LARP1: variants seen among roughly 807,000 people sequenced by gnomAD.
LARP1 encodes the protein La ribonucleoprotein 1, translational regulator, also known as la-related protein 1.
Under a neutral mutation model 122.7 loss-of-function variants are expected in LARP1, and 36 were observed. The observed-to-expected ratio is 0.29, with a 90% CI of 0.22 to 0.39. The LOEUF is 0.39. LARP1 is among the 10% of genes least tolerant of loss of function. The probability of loss-of-function intolerance (pLI) is 1.00; values close to 1 mark genes in which losing one functional copy is unlikely to be tolerated. For missense variants in LARP1, 1,040 were observed against 1,403.6 expected (o/e 0.74, Z 4.14); for synonymous variants, 539 against 528.7 (o/e 1.02, Z -0.27).
intron 14 of LARP1, chr5:154,805,028 C>A: frequency 2.5e-6 from 1 of 402,040 alleles, no homozygotes; most frequent in Non-Finnish European, 5.0e-6. Flanking sequence ...AACATATAGT[C>A]AATTAGCACA....
rs371494070 is a variant in LARP1 at position 154,696,085 on chromosome 5, G to A, written c.-180+13048G>A. On this transcript the variant is annotated intron_variant, in intron 1 of 18. Transcript: ENST00000687700. ...ACAAATACTCATTGAGGCTGGGCACGGTGGCTCACTCCTATAATCCTAGCA... is the reference window on the plus strand; with the variant it reads ...ACAAATACTCATTGAGGCTGGGCACAGTGGCTCACTCCTATAATCCTAGCA... Among the ~76,000 whole-genome samples, 73 of 152,114 alleles carry A rather than the reference G, an allele frequency of 4.8e-4. 4 individuals carry two copies. The South Asian group carries it at 0.012, about 26-fold the overall frequency.
At chr5:154,764,075 G>A (rs1222244886) in intron 1 of LARP1, among the ~76,000 whole-genome samples, 1 of 151,614 alleles carries the variant, frequency 6.6e-6, no homozygotes, top group African/African-American at 2.4e-5. Flanking sequence ...TTGGGAGGCC[G>A]AGGCAGGTGG....
Position 154,720,744 on chromosome 5 carries a change from C to T in LARP1, c.205+7614C>T, listed in dbSNP as rs371666509. On this transcript the variant is annotated intron_variant, in intron 1 of 18. Transcript: ENST00000336314. ...AAGAAAAGAGAAGAAAAAATTCTTT[C>T]CTTCCAAGTTCAGAGATACCCTGAA... Among the ~76,000 whole-genome samples the T allele has an allele frequency of 2.6e-3, 399 of 152,132 alleles. 1 individual carries two copies. Among genetic ancestry groups the T allele is most frequent in the African/African-American group, 9.2e-3 (381 of 41,510 alleles).
At chr5:154,718,454 T>A (rs1356791063) in intron 1 of LARP1, 1 of 152,208 alleles carries the variant, frequency 6.6e-6, no homozygotes, top group Non-Finnish European at 1.5e-5. Context: ...CCACTACTGA[T>A]CAGCATGGGA....
In LARP1 at chr5:154,812,911, C is replaced by T. The variant is rs137892181; in HGVS notation, c.3082-976C>T. On this transcript the variant is annotated intron_variant, in intron 18 of 18. Coordinates refer to ENST00000518297, the MANE Select transcript of LARP1 (RefSeq NM_033551.3). ...AACTGCCCCCATGATGCAATTATCTCCACCTGGTCCCTCCCGCGACATGTG... is the reference window on the plus strand; with the variant it reads ...AACTGCCCCCATGATGCAATTATCTTCACCTGGTCCCTCCCGCGACATGTG... Among the ~76,000 whole-genome samples, 865 of 152,260 alleles carry T rather than the reference C, an allele frequency of 5.7e-3. 4 individuals are homozygous for T. Among genetic ancestry groups the T allele is most frequent in the Middle Eastern group, 0.027 (8 of 294 alleles).
chr5:154,790,109 T>G (rs1687131915), intron 1 of LARP1, among the ~76,000 whole-genome samples: 1 of 152,228 alleles, frequency 6.6e-6, no homozygotes, highest in Admixed American at 6.5e-5. Context: ...CTCCTGGCTC[T>G]TTGCATGATC....
chr5:154,751,053 G>A (rs1010860541), upstream of LARP1, among the ~76,000 whole-genome samples: 6 of 151,238 alleles, frequency 4.0e-5, no homozygotes, highest in African/African-American at 1.5e-4. Context: ...TCAATTATTT[G>A]GTTCCTCTAA....
At chr5:154,757,329 G>GT (rs1034110324) in intron 1 of LARP1, 3 of 152,038 alleles carry the variant, frequency 2.0e-5, no homozygotes, top group Admixed American at 2.0e-4. Context: ...CCGTGTCAGC[G>GT]TGGGGGGAGA....
Position 154,805,914 on chromosome 5 carries a change from C to T in LARP1, c.2580C>T (p.Gly860=), listed in dbSNP as rs1758740146. Residue 860 remains glycine, a synonymous_variant, in exon 15 of 19, where the codon GGC becomes GGT. Coordinates refer to ENST00000518297, the MANE Select transcript of LARP1 (RefSeq NM_033551.3). The part of the protein sequence containing the change: ...SSPSEGTPTV[G]SYGCTPQSLP... The stretch of plus-strand genomic sequence containing the variant: ...CCTCAGAAGGGACGCCTACAGTTGG[C>T]AGCTATGGCTGTACCCCTCAGTCAT... 9 of 1,613,954 alleles carry T rather than the reference C, an allele frequency of 5.6e-6. No individual in the cohort carries two copies. Among genetic ancestry groups the T allele is most frequent in the African/African-American group, 2.7e-5 (2 of 74,920 alleles).
Position 154,684,386 on chromosome 5 carries a change from T to C in LARP1, c.-180+1349T>C, listed in dbSNP as rs373683950. On this transcript the variant is annotated intron_variant, in intron 1 of 18. Transcript: ENST00000687700. ...AGGAGGTGGGGACTATAGTAAGCTG[T>C]GTTTGTGCCCCTATACTCTAGCCTG... 1.1e-4 allele frequency among the ~76,000 whole-genome samples: 17 copies of C among 152,158 alleles called. No homozygotes were observed. The East Asian group carries it at 1.5e-3, about 14-fold the overall frequency.
intron 8 of LARP1, among the ~76,000 whole-genome samples, chr5:154,796,933 T>G (rs945055785): frequency 1.3e-5 from 2 of 152,206 alleles, no homozygotes; most frequent in African/African-American, 4.8e-5. Context: ...TTTGTTATTA[T>G]AAGCTTATGG....
chr5:154,746,113 T>C (rs1753185068), intron 1 of LARP1, among the ~76,000 whole-genome samples: 1 of 152,232 alleles, frequency 6.6e-6, no homozygotes, highest in African/African-American at 2.4e-5. Context: ...CCAACTCTTT[T>C]GACATCAAAC....
Position 154,806,208 on chromosome 5 carries a change from G to A in LARP1, c.2698+176G>A, listed in dbSNP as rs564848762. On this transcript the variant is annotated intron_variant, in intron 15 of 18. Transcript: ENST00000518297. Reference sequence around the variant, plus strand: ...GACTCGGGCCAGGTAGTTTTAAACTGTAGGAAGCTAGGGGGATATGGCACT... The same window carrying A: ...GACTCGGGCCAGGTAGTTTTAAACTATAGGAAGCTAGGGGGATATGGCACT... Among the ~76,000 whole-genome samples the A allele has an allele frequency of 4.6e-5, 7 of 152,326 alleles. No individual in the cohort carries two copies. In the East Asian group the frequency reaches 1.3e-3, roughly 29 times the overall value.
intron 1 of LARP1, among the ~76,000 whole-genome samples, chr5:154,764,819 C>T (rs1241844485): frequency 2.7e-5 from 4 of 150,346 alleles, no homozygotes; most frequent in African/African-American, 9.8e-5. Context: ...GCACAAGAAT[C>T]GCTTGAACCT....
intron 1 of LARP1, among the ~76,000 whole-genome samples, chr5:154,762,777 A>G (rs759398594): frequency 6.6e-6 from 1 of 152,184 alleles, no homozygotes; most frequent in Admixed American, 6.6e-5. Flanking sequence ...CTCTCAAGAC[A>G]TACATTCCAG....
Position 154,802,261 on chromosome 5 carries a change from A to T in LARP1, c.1971A>T (p.Pro657=). 1.2e-6 allele frequency: 2 copies of T among 1,614,090 alleles called. No individual in the cohort carries two copies. Among genetic ancestry groups the T allele is most frequent in the Non-Finnish European group, 1.7e-6 (2 of 1,179,994 alleles). The change falls in exon 11 of 19, where the codon CCA becomes CCT. Residue 657 remains proline (P), a synonymous_variant. Coordinates refer to ENST00000518297, the MANE Select transcript of LARP1 (RefSeq NM_033551.3). This position sits in a 1 kb window ranked among gnomAD's most constrained non-coding sequence, Gnocchi z 5.1. ...TQTPHYMRRH[P]GGDRTGNHTS... ...CACCACATTACATGCGCCGGCACCCAGGGGGGGACCGCACAGGCAACCACA... is the reference window on the plus strand; with the variant it reads ...CACCACATTACATGCGCCGGCACCCTGGGGGGGACCGCACAGGCAACCACA...
chr5:154,698,912 T>C (rs1754592505), intron 1 of LARP1, among the ~76,000 whole-genome samples: 1 of 152,198 alleles, frequency 6.6e-6, no homozygotes, highest in Non-Finnish European at 1.5e-5. Context: ...AACCCATTAG[T>C]GTACTAATAA....
intron 1 of LARP1, among the ~76,000 whole-genome samples, chr5:154,728,597 A>T (rs990358253): frequency 1.3e-5 from 2 of 152,218 alleles, no homozygotes; most frequent in Non-Finnish European, 2.9e-5. Flanking sequence ...CAGACACAGT[A>T]TATGAGTGAG....
intron 15 of LARP1, among the ~76,000 whole-genome samples, chr5:154,806,264 A>G (rs977024463): frequency 1.3e-5 from 2 of 152,148 alleles, no homozygotes; most frequent in African/African-American, 2.4e-5. Context: ...ATCTTCCTCT[A>G]TTGATTATTA....
Sources: allele counts gnomAD v4.1 joint callset (sites outside exome capture counted in the v4.1 genomes callset), GRCh38; gene constraint gnomAD v4.1.1; non-coding constraint Gnocchi (gnomAD v3.1); transcripts MANE v1.5; gene names NCBI Gene and HGNC (gene_info 2026-07-23, HGNC 2026-07-21).